Variants in LINGO2 observed in about 807,000 individuals in gnomAD.
LINGO2 encodes the protein leucine-rich repeat and immunoglobulin-like domain-containing nogo receptor-interacting protein 2.
A neutral mutation model predicts 30.6 loss-of-function variants in LINGO2; 14 were observed. The observed-to-expected ratio is 0.46, with a 90% CI of 0.30 to 0.72. The LOEUF (loss-of-function observed/expected upper bound fraction) is 0.72. Among genes scored for constraint, LINGO2 ranks in the 30% least tolerant of loss-of-function variants. The pLI is 0.07. For synonymous variants in LINGO2, 317 were observed against 288.5 expected, an observed-to-expected ratio of 1.10 and a Z score of -1.00; for missense variants, 729 against 751.7, an observed-to-expected ratio of 0.97 and a Z score of 0.35.
At chr9:27,991,460 G>A (rs1587632349) in intron 5 of LINGO2, among the ~76,000 whole-genome samples, 1 of 152,024 alleles carries the variant, frequency 6.6e-6, no homozygotes, top group Non-Finnish European at 1.5e-5. Context: ...CAGTTCAGAG[G>A]TTCGCCAGGG....
chr9:28,763,762 C>T, the LINGO2 span, among the ~76,000 whole-genome samples: 1 of 150,826 alleles, frequency 6.6e-6, no homozygotes, highest in Non-Finnish European at 1.5e-5. Context: ...AACAAAACTG[C>T]CAAACCCTTA....
At chr9:28,610,136 A>AT (rs771451603) in intron 1 of LINGO2, among the ~76,000 whole-genome samples, 13 of 152,138 alleles carry the variant, frequency 8.5e-5, no homozygotes, top group Non-Finnish European at 1.6e-4. Context: ...AATAGTTTGA[A>AT]TTTTTTTAAA....
rs145064429 is a variant in LINGO2, at chr9:28,518,447, A to C, written c.-364-42422T>G. Among the ~76,000 whole-genome samples, 329 of 152,296 alleles carry C rather than the reference A, an allele frequency of 2.2e-3. 1 individual carries two copies. Among genetic ancestry groups the C allele is most frequent in the Non-Finnish European group, 3.7e-3 (250 of 68,026 alleles). On this transcript the variant is annotated intron_variant, in intron 1 of 5. Coordinates refer to ENST00000379992, the Ensembl canonical transcript of LINGO2. ...CAACTCTGAAGTATGTCATTTCAAC[A>C]TAGGGGTTACTTGGAACTAAAGTCA...
intron 4 of LINGO2, among the ~76,000 whole-genome samples, chr9:28,038,443 C>T (rs927243048): frequency 6.6e-6 from 1 of 152,096 alleles, no homozygotes; most frequent in African/African-American, 2.4e-5. Flanking sequence ...CCTGTAATCC[C>T]AGCACTTTGG....
At chr9:29,093,866 C>T in the LINGO2 span, among the ~76,000 whole-genome samples, 2 of 137,324 alleles carry the variant, frequency 1.5e-5, no homozygotes, top group Non-Finnish European at 3.2e-5. Flanking sequence ...AGGAATCTTC[C>T]CCGCCCCAGA....
intron 4 of LINGO2, among the ~76,000 whole-genome samples, chr9:28,264,459 T>A (rs1822674924): frequency 6.6e-6 from 1 of 152,018 alleles, no homozygotes; most frequent in South Asian, 2.1e-4. Context: ...AAAGGCAAAC[T>A]GAACTGTAAA....
At chr9:28,464,499 T>C (rs1290252829) in intron 2 of LINGO2, among the ~76,000 whole-genome samples, 2 of 152,214 alleles carry the variant, frequency 1.3e-5, no homozygotes, top group Non-Finnish European at 2.9e-5. Context: ...ATGTTAAATA[T>C]ACAGTTCCTT....
chr9:28,213,119 C>A (rs945418797), intron 4 of LINGO2, among the ~76,000 whole-genome samples: 8 of 151,448 alleles, frequency 5.3e-5, no homozygotes, highest in African/African-American at 1.9e-4. Flanking sequence ...CAAACACATT[C>A]TTATGTTATT....
the LINGO2 span, among the ~76,000 whole-genome samples, chr9:29,026,717 A>C: frequency 6.6e-6 from 1 of 152,104 alleles, no homozygotes; most frequent in African/African-American, 2.4e-5. Context: ...CTAATTCCAT[A>C]ATCAGTATGG....
chr9:28,186,997 G>C (rs571897889), intron 4 of LINGO2, among the ~76,000 whole-genome samples: 12 of 152,182 alleles, frequency 7.9e-5, no homozygotes, highest in Non-Finnish European at 1.6e-4. Flanking sequence ...ATTTAAACAA[G>C]ACACCTCTGA....
the LINGO2 span, among the ~76,000 whole-genome samples, chr9:28,717,183 G>A: frequency 6.6e-6 from 1 of 152,036 alleles, no homozygotes; most frequent in South Asian, 2.1e-4. Context: ...ACTAATGGCT[G>A]CTTTAACCCT....
intron 5 of LINGO2, among the ~76,000 whole-genome samples, chr9:27,970,980 T>C (rs1365787122): frequency 6.6e-6 from 1 of 151,418 alleles, no homozygotes; most frequent in Non-Finnish European, 1.5e-5. Flanking sequence ...ATGTCAAGGA[T>C]AATATCTACA....
At chr9:28,118,085 G>T (rs945444450) in intron 4 of LINGO2, among the ~76,000 whole-genome samples, 6 of 152,010 alleles carry the variant, frequency 3.9e-5, no homozygotes, top group Admixed American at 3.3e-4. Flanking sequence ...CTGTTGGGGG[G>T]TGGAGTAGGG....
intron 4 of LINGO2, among the ~76,000 whole-genome samples, chr9:28,018,970 C>G (rs1822978021): frequency 6.6e-6 from 1 of 152,128 alleles, no homozygotes; most frequent in Non-Finnish European, 1.5e-5. Context: ...AAGATCATGT[C>G]CTTTGCAGCA....
At chr9:28,225,607 C>G (rs145613921) in intron 4 of LINGO2, among the ~76,000 whole-genome samples, 2 of 151,762 alleles carry the variant, frequency 1.3e-5, no homozygotes, top group Admixed American at 6.6e-5. Context: ...ACAAATATTT[C>G]AATAAATATA....
chr9:29,018,848 T>C, the LINGO2 span, among the ~76,000 whole-genome samples: 1 of 152,170 alleles, frequency 6.6e-6, no homozygotes, highest in Admixed American at 6.6e-5. Context: ...ATCATCTTTC[T>C]AGTCAACGGA....
rs1244642569 is a variant in LINGO2 at position 28,129,215 on chromosome 9, C to G, written c.-86-116810G>C. 6.6e-6 allele frequency among the ~76,000 whole-genome samples: 1 copy of G among 152,168 alleles called. No individual in the cohort carries two copies. The highest frequency in any genetic ancestry group is 1.5e-5 in the Non-Finnish European group (1 of 68,026). ...CCTTGCTCCTCAGCTTGCAGGCAGC[C>G]TATCGTGGGACTTCACCTGGTAATC... On this transcript the variant is annotated intron_variant, in intron 4 of 5. Transcript: ENST00000379992. The surrounding 1 kb of genome is among the most constrained non-coding windows in gnomAD (Gnocchi z 4.0).
intron 4 of LINGO2, among the ~76,000 whole-genome samples, chr9:28,235,779 T>A (rs1821540424): frequency 6.6e-6 from 1 of 151,970 alleles, no homozygotes; most frequent in Non-Finnish European, 1.5e-5. Flanking sequence ...CTATTTGAAA[T>A]TGCACAGTCA....
chr9:28,171,476 G>T (rs890045159), intron 4 of LINGO2, among the ~76,000 whole-genome samples: 21 of 152,044 alleles, frequency 1.4e-4, no homozygotes, highest in Admixed American at 9.2e-4. Flanking sequence ...ATCAAACTGG[G>T]GAGAGAAGTT....
Sources: gnomAD v4.1 joint callset for allele counts (sites outside exome capture counted in the v4.1 genomes callset) on GRCh38, gnomAD v4.1.1 for gene constraint, Gnocchi (gnomAD v3.1) non-coding constraint, MANE v1.5 for transcripts, NCBI Gene and HGNC (gene_info 2026-07-23, HGNC 2026-07-21) for gene names.